ZZEF1: variants seen among roughly 807,000 people sequenced by gnomAD.
ZZEF1 encodes zinc finger ZZ-type and EF-hand domain-containing protein 1.
Under a neutral mutation model 342.8 loss-of-function variants are expected in ZZEF1, and 157 were observed. The observed-to-expected ratio is 0.46, with a 90% confidence interval of 0.40 to 0.52. The LOEUF (loss-of-function observed/expected upper bound fraction) is 0.52. ZZEF1 is among the 20% of genes least tolerant of loss of function. The pLI, the probability that ZZEF1 is intolerant of heterozygous loss-of-function variation, is 0.00. For synonymous variants in ZZEF1, 1,505 were observed against 1,429.1 expected (o/e 1.05, Z -1.20); for missense variants, 3,480 against 3,725.6 (o/e 0.93, Z 1.72).
chr17:4,011,303 T>G (rs2055947609), intron 52 of ZZEF1, among the ~76,000 whole-genome samples: 1 of 151,658 alleles, frequency 6.6e-6, no homozygotes, highest in Non-Finnish European at 1.5e-5. Context: ...CTCAGGAGGC[T>G]GAGGGGAGGG....
chr17:4,082,032 GGTA>G (rs2057733268), intron 17 of ZZEF1, among the ~76,000 whole-genome samples: 1 of 152,148 alleles, frequency 6.6e-6, no homozygotes, highest in South Asian at 2.1e-4. Flanking sequence ...TAGCTTCTCT[GGTA>G]GTTGAAACAG....
chr17:4,068,013 G>A (rs1007186239), intron 26 of ZZEF1, among the ~76,000 whole-genome samples: 2 of 152,168 alleles, frequency 1.3e-5, no homozygotes, highest in Non-Finnish European at 2.9e-5. Context: ...AGGAATTCAA[G>A]GTTACAGTGA....
chr17:4,076,946 G>A lies in ZZEF1; in HGVS notation c.3033C>T (p.Ser1011=), dbSNP rs776507775. 1.9e-6 allele frequency: 3 copies of A among 1,614,032 alleles called. No homozygotes were observed. The highest frequency in any genetic ancestry group is 2.5e-6 in the Non-Finnish European group (3 of 1,179,958). ...FLASMRAILE[S]LFSQYSGKTI... ...TTTTTCCACTGTACTGTGAGAAAAG[G>A]GATTCCAAAATCGCTCTCATGCTTG... Residue 1011 remains serine (S), a synonymous_variant, in exon 20 of 55, where the codon TCC becomes TCT. Coordinates refer to ENST00000381638, the MANE Select transcript of ZZEF1 (RefSeq NM_015113.4).
At chr17:4,047,476 C>G (rs755896881) in intron 37 of ZZEF1, among the ~76,000 whole-genome samples, 68 of 151,836 alleles carry the variant, frequency 4.5e-4, no homozygotes, top group African/African-American at 7.0e-4. Flanking sequence ...AAACCCCATC[C>G]CTACAAAAAC....
chr17:4,142,782 G>A lies in ZZEF1; in HGVS notation c.114C>T (p.Gly38=), dbSNP rs1289978348. 10 of 1,423,586 alleles carry A rather than the reference G, an allele frequency of 7.0e-6. No homozygotes were observed. Among genetic ancestry groups the A allele is most frequent in the Non-Finnish European group, 9.1e-6 (10 of 1,099,922 alleles). 88.2% of individuals were successfully genotyped at this position (1,423,586 alleles called of 1,614,324 possible). A position where few individuals can be genotyped will look rare whatever the true frequency, so the allele number is the denominator to read the frequency against. Residue 38 remains glycine (G), a synonymous_variant, in exon 1 of 55, where the codon GGC becomes GGT. Transcript: ENST00000381638. The part of the protein sequence containing the change: ...AAVSGTTPGP[G]VAAPALPPAA... ...CGGGTGGTAGCGCTGGAGCCGCGAC[G>A]CCCGGGCCGGGGGTCGTGCCCGAGA... is the stretch of plus-strand genomic sequence containing the variant.
At chr17:4,022,359 T>G in intron 44 of ZZEF1, 1 of 204,294 alleles carries the variant, frequency 4.9e-6, no homozygotes. Context: ...CAAATAAACA[T>G]AAGTGAGGAC....
At chr17:4,021,904 A>G (rs951313158) in intron 44 of ZZEF1, among the ~76,000 whole-genome samples, 1 of 152,062 alleles carries the variant, frequency 6.6e-6, no homozygotes, top group African/African-American at 2.4e-5. Flanking sequence ...CGCTAATGGC[A>G]GCTGTGTTTG....
chr17:4,009,806 G>A (rs2055899575), intron 52 of ZZEF1, 49 bp from the exon 53 acceptor site: 1 of 1,592,818 alleles, frequency 6.3e-7, no homozygotes, highest in South Asian at 1.1e-5. Flanking sequence ...GCCATGCCAA[G>A]GTCACATGGC....
chr17:4,121,518 C>T (rs917829169), intron 2 of ZZEF1, among the ~76,000 whole-genome samples: 3 of 152,126 alleles, frequency 2.0e-5, no homozygotes, highest in South Asian at 4.1e-4. Context: ...CCCAGCTACT[C>T]GGGAGGCTGA....
At chr17:4,026,971 A>G (rs56412408) in intron 42 of ZZEF1, among the ~76,000 whole-genome samples, 23,938 of 152,248 alleles carry the variant, frequency 0.16, 2,526 homozygotes, top group Non-Finnish European at 0.24. Flanking sequence ...TGCACTATAA[A>G]TAATGTTCAG....
chr17:4,128,176 T>A (rs1396251960), intron 1 of ZZEF1, among the ~76,000 whole-genome samples: 1 of 151,466 alleles, frequency 6.6e-6, no homozygotes, highest in Non-Finnish European at 1.5e-5. Flanking sequence ...TGAAACCCCG[T>A]CTCTACTAAA....
intron 2 of ZZEF1, among the ~76,000 whole-genome samples, chr17:4,123,706 G>A (rs989841660): frequency 3.3e-5 from 5 of 152,124 alleles, no homozygotes; most frequent in Non-Finnish European, 7.4e-5. Context: ...AAGGGTTCAT[G>A]TTATAAAACG....
At chr17:4,076,414 T>C in intron 21 of ZZEF1, 2 of 400,028 alleles carry the variant, frequency 5.0e-6, no homozygotes, top group Admixed American at 3.8e-5. Context: ...ATTACAAGCG[T>C]GAGCCACTGC....
intron 39 of ZZEF1, among the ~76,000 whole-genome samples, chr17:4,041,215 A>T (rs972510642): frequency 2.0e-5 from 3 of 152,160 alleles, no homozygotes; most frequent in Admixed American, 1.3e-4. Flanking sequence ...TGTTCTCCTC[A>T]TTCTAGTTCC....
At chr17:4,023,064 G>A (rs1045394095) in intron 43 of ZZEF1, among the ~76,000 whole-genome samples, 5 of 152,138 alleles carry the variant, frequency 3.3e-5, no homozygotes, top group African/African-American at 1.2e-4. Flanking sequence ...CAAGGTCCCT[G>A]CCTGCTTCTC....
At position 4,081,449 on chromosome 17, in the gene ZZEF1, T is replaced by G. The variant is rs1349186359; in HGVS notation, c.2756A>C (p.Asn919Thr). Residue 919 changes from asparagine (N) to threonine (T), a missense_variant, in exon 18 of 55, where the codon AAC becomes ACC. By Grantham distance (65) the Asn-to-Thr change is moderately conservative. Coordinates refer to ENST00000381638, the MANE Select transcript of ZZEF1 (RefSeq NM_015113.4). ...ACTGATGTTCATCTTGGCCAGGTCG[T>G]TCTTCTCAGGTAAAAGAAGAAGGCC... The part of the protein sequence containing the change: ...PGGLLLLPEK[N>T]DLAKMNISEV... 6.2e-7 allele frequency: 1 copy of G among 1,614,082 alleles called. No individual in the cohort carries two copies.
intron 36 of ZZEF1, among the ~76,000 whole-genome samples, chr17:4,050,401 G>A (rs565437568): frequency 2.6e-5 from 4 of 152,216 alleles, no homozygotes; most frequent in East Asian, 3.9e-4. Context: ...TATTTTACTC[G>A]TAAACAGCTC....
At chr17:4,061,351 ACTC>A (rs1200368235) in intron 30 of ZZEF1, among the ~76,000 whole-genome samples, 1 of 151,208 alleles carries the variant, frequency 6.6e-6, no homozygotes, top group Non-Finnish European at 1.5e-5. Flanking sequence ...CTTAGCTGAC[ACTC>A]CTTTCTCTGC....
At chr17:4,101,927 G>T (rs1215156014) in intron 9 of ZZEF1, among the ~76,000 whole-genome samples, 1 of 151,926 alleles carries the variant, frequency 6.6e-6, no homozygotes, top group Non-Finnish European at 1.5e-5. Flanking sequence ...ACTGCACCCG[G>T]CCTGGAAATA....
Sources: gnomAD v4.1 joint callset for allele counts (sites outside exome capture counted in the v4.1 genomes callset) on GRCh38, gnomAD v4.1.1 for gene constraint, MANE v1.5 for transcripts, NCBI Gene and HGNC (gene_info 2026-07-23, HGNC 2026-07-21) for gene names.